The following PRKDC variants were observed in gnomAD, a reference collection of about 807,000 sequenced individuals.
PRKDC encodes protein kinase, DNA-activated, catalytic subunit.
PRKDC carries 82 observed loss-of-function variants against 486.9 expected under a neutral mutation model. That is an observed-to-expected ratio of 0.17 (90% CI 0.14 to 0.20). PRKDC has a LOEUF of 0.20. Among genes scored for constraint, PRKDC ranks in the 10% least tolerant of loss-of-function variants. The pLI, the probability that PRKDC is intolerant of heterozygous loss-of-function variation, is 1.00. For missense variants in PRKDC, 4,504 were observed against 5,038.2 expected, an observed-to-expected ratio of 0.89 and a Z score of 3.21; for synonymous variants, 1,895 against 1,837.0, an observed-to-expected ratio of 1.03 and a Z score of -0.81.
chr8:47,825,524 A>AC (rs1344480203), intron 63 of PRKDC, among the ~76,000 whole-genome samples: 9 of 151,306 alleles, frequency 5.9e-5, no homozygotes, highest in African/African-American at 1.7e-4. Flanking sequence ...AAAAAAAAAA[A>AC]AAAAAAAAAG....
chr8:47,787,913 A>G (rs182797667), intron 76 of PRKDC, among the ~76,000 whole-genome samples: 5 of 152,288 alleles, frequency 3.3e-5, no homozygotes, highest in Non-Finnish European at 5.9e-5. Context: ...AAACTACTGC[A>G]TTGTATGCTT....
chr8:47,777,657 G>GT (rs1179774956), intron 84 of PRKDC, 29 bp downstream of exon 84: 11 of 1,544,288 alleles, frequency 7.1e-6, no homozygotes, highest in Non-Finnish European at 8.8e-6. Flanking sequence ...TGTCACAAAA[G>GT]TGAAAAGTGC....
rs376276635 is a variant in PRKDC, at chr8:47,830,638, G to A, written c.8364C>T (p.Ser2788=). The change falls in exon 61 of 86, where the codon AGC becomes AGT. Residue 2788 remains serine, a synonymous_variant. Coordinates refer to ENST00000314191, the MANE Select transcript of PRKDC (RefSeq NM_006904.7). Reference sequence around the variant, plus strand: ...CGGCCTGTAACGGGGTGATGAGGCTGCTGTGCTTGATCTGAATGTCAGGAA... The same window carrying A: ...CGGCCTGTAACGGGGTGATGAGGCTACTGTGCTTGATCTGAATGTCAGGAA... ...GDLPDIQIKH[S]SLITPLQAVA... 2 of 1,613,854 alleles carry A rather than the reference G, an allele frequency of 1.2e-6. No individual in the cohort carries two copies. The highest frequency in any genetic ancestry group is 1.7e-6 in the Non-Finnish European group (2 of 1,179,892).
At position 47,869,895 on chromosome 8, in the gene PRKDC, C is replaced by T. The variant is rs1029958609; in HGVS notation, c.5364-5132G>A. Among the ~76,000 whole-genome samples the T allele has an allele frequency of 3.9e-5, 6 of 152,324 alleles. No homozygotes were observed. The East Asian group carries it at 1.2e-3, about 29-fold the overall frequency. On this transcript the variant is annotated intron_variant, in intron 40 of 85. Coordinates refer to ENST00000314191, the MANE Select transcript of PRKDC (RefSeq NM_006904.7). The stretch of plus-strand genomic sequence containing the variant: ...TGAGTGAAAATCAGCAGTAGCCAGG[C>T]AGTCCTCACTGCAGGCCTGGGGCAA...
At chr8:47,828,609 G>A (rs1249603824) in intron 61 of PRKDC, among the ~76,000 whole-genome samples, 1 of 152,178 alleles carries the variant, frequency 6.6e-6, no homozygotes, top group Non-Finnish European at 1.5e-5. Flanking sequence ...AATACATAAT[G>A]ACATAGCTTC....
At chr8:47,877,393 A>G (rs1029133471) in intron 40 of PRKDC, among the ~76,000 whole-genome samples, 4 of 152,246 alleles carry the variant, frequency 2.6e-5, no homozygotes, top group African/African-American at 9.6e-5. Flanking sequence ...ACATATACAG[A>G]AGGATTTAAG....
chr8:47,890,844 TAATGA>T (rs2089441466), intron 31 of PRKDC, among the ~76,000 whole-genome samples: 1 of 152,248 alleles, frequency 6.6e-6, no homozygotes, highest in Non-Finnish European at 1.5e-5. Flanking sequence ...AATTTTAACC[TAATGA>T]AATGACTGCA....
Position 47,782,091 on chromosome 8 carries a change from G to A in PRKDC, c.11489+71C>T, listed in dbSNP as rs945630498. ...GTGGGCTCTCGAGCGCGCCTGTCACGGCCCCGACCTGCCACTGGAGAAGTG... is the reference window on the plus strand; with the variant it reads ...GTGGGCTCTCGAGCGCGCCTGTCACAGCCCCGACCTGCCACTGGAGAAGTG... On this transcript the variant is annotated intron_variant, in intron 80 of 85. Transcript: ENST00000314191. The surrounding 1 kb of genome is among the most constrained non-coding windows in gnomAD (Gnocchi z 4.9). The A allele has an allele frequency of 2.5e-5, 35 of 1,422,642 alleles. No individual in the cohort carries two copies. Among genetic ancestry groups the A allele is most frequent in the East Asian group, 4.6e-5 (2 of 43,888 alleles). The allele number at this position is 1,422,642 out of a possible 1,614,324, so 88.1% of individuals were successfully genotyped here.
rs372389134 is a variant in PRKDC, at chr8:47,898,603, A to G, written c.3365-34T>C. The G allele has an allele frequency of 5.7e-6, 7 of 1,218,826 alleles. No homozygotes were observed. The African/African-American group carries it at 9.2e-5, about 16-fold the overall frequency. 75.5% of individuals were successfully genotyped at this position (1,218,826 alleles called of 1,614,324 possible). A position where few individuals can be genotyped will look rare whatever the true frequency, so the allele number is the denominator to read the frequency against. On this transcript the variant is annotated intron_variant, in intron 28 of 85. Coordinates refer to ENST00000314191, the MANE Select transcript of PRKDC (RefSeq NM_006904.7). ...AAGTACAGAGACATATTTCCAAAGAAGGCATATATAGCTGATTATTATTAA... is the reference window on the plus strand; with the variant it reads ...AAGTACAGAGACATATTTCCAAAGAGGGCATATATAGCTGATTATTATTAA...
chr8:47,957,227 A>T lies in PRKDC; in HGVS notation c.268T>A (p.Cys90Ser). 5 of 1,602,518 alleles carry T rather than the reference A, an allele frequency of 3.1e-6. No homozygotes were observed. The highest frequency in any genetic ancestry group is 4.3e-6 in the Non-Finnish European group (5 of 1,171,614). ...TGGCCCATTTTTTCTAAGAAAATAC[A>T]TAAAAACTTTAGGATTTCTTCTCTA... ...ECREEILKFL[C>S]IFLEKMGQKI... Residue 90 changes from cysteine to serine, a missense_variant, in exon 3 of 86, where the codon TGT (cysteine) becomes AGT (serine). Cys to Ser is a moderately radical substitution (Grantham distance 112, BLOSUM62 -1). Coordinates refer to ENST00000314191, the MANE Select transcript of PRKDC (RefSeq NM_006904.7).
At chr8:47,847,463 A>C (rs552475951) in intron 54 of PRKDC, among the ~76,000 whole-genome samples, 1 of 152,330 alleles carries the variant, frequency 6.6e-6, no homozygotes, top group South Asian at 2.1e-4. Context: ...GAATGAAACT[A>C]GAGCCCTGCC....
intron 80 of PRKDC, among the ~76,000 whole-genome samples, chr8:47,780,458 T>C (rs1248227107): frequency 5.9e-5 from 9 of 152,222 alleles, no homozygotes; most frequent in Admixed American, 5.9e-4. Flanking sequence ...TAAGTACTTT[T>C]GTGTGGAAAG....
intron 29 of PRKDC, 93 bp downstream of exon 29, chr8:47,898,377 T>C (rs1443262008): frequency 4.9e-6 from 5 of 1,028,210 alleles, no homozygotes; most frequent in Non-Finnish European, 7.2e-6. Context: ...TAATTCCTTA[T>C]ACTTCCACAG....
chr8:47,840,174 T>C lies in PRKDC; in HGVS notation c.7296A>G (p.Gln2432=), dbSNP rs757521799. 1 of 1,597,242 alleles carries C rather than the reference T, an allele frequency of 6.3e-7. No homozygotes were observed. Among genetic ancestry groups the C allele is most frequent in the Admixed American group, 1.7e-5 (1 of 57,312 alleles). The change falls in exon 55 of 86, where the codon CAA becomes CAG. Residue 2432 remains glutamine, a synonymous_variant. Coordinates refer to ENST00000314191, the MANE Select transcript of PRKDC (RefSeq NM_006904.7). ...QVMRHRDDER[Q]KVCLDIIYKM... ...TATAAATTATGTCCAAACATACTTTTTGTCTTTCATCATCTCTATGGGAGA... is the reference window on the plus strand; with the variant it reads ...TATAAATTATGTCCAAACATACTTTCTGTCTTTCATCATCTCTATGGGAGA...
At chr8:47,911,017 T>C (rs2089891966) in intron 25 of PRKDC, among the ~76,000 whole-genome samples, 3 of 152,264 alleles carry the variant, frequency 2.0e-5, no homozygotes, top group Admixed American at 1.3e-4. Context: ...TGCTTACTCT[T>C]GGGCCTTCCA....
intron 68 of PRKDC, among the ~76,000 whole-genome samples, chr8:47,817,003 T>C (rs2087461610): frequency 6.6e-6 from 1 of 152,122 alleles, no homozygotes; most frequent in African/African-American, 2.4e-5. Context: ...GATGAGGACA[T>C]GAACATGACC....
At chr8:47,905,161 G>A (rs1357123503) in intron 25 of PRKDC, among the ~76,000 whole-genome samples, 185 bp from the exon 26 acceptor site, 2 of 152,066 alleles carry the variant, frequency 1.3e-5, no homozygotes, top group Non-Finnish European at 1.5e-5. Context: ...AGAATAGCTG[G>A]ACTACAGGCA....
intron 7 of PRKDC, among the ~76,000 whole-genome samples, chr8:47,947,028 C>T (rs2090544620): frequency 6.6e-6 from 1 of 152,202 alleles, no homozygotes; most frequent in African/African-American, 2.4e-5. Context: ...AACTGTCAAA[C>T]ACCAACCCTG....
intron 54 of PRKDC, among the ~76,000 whole-genome samples, chr8:47,843,971 A>G (rs2088210174): frequency 6.6e-6 from 1 of 152,234 alleles, no homozygotes; most frequent in Non-Finnish European, 1.5e-5. Context: ...CAGATACTAT[A>G]AAGCAACTAC....
Sources: allele counts gnomAD v4.1 joint callset (sites outside exome capture counted in the v4.1 genomes callset), GRCh38; gene constraint gnomAD v4.1.1; non-coding constraint Gnocchi (gnomAD v3.1); transcripts MANE v1.5; gene names NCBI Gene and HGNC (gene_info 2026-07-23, HGNC 2026-07-21).